The following ZFR2 variants were observed in gnomAD, a reference collection of about 807,000 sequenced individuals.
ZFR2 encodes zinc finger RNA-binding protein 2.
In ZFR2, 104 loss-of-function variants were observed where a neutral mutation model predicts 105.7. That is an observed-to-expected ratio of 0.98 (90% CI 0.84 to 1.16). The LOEUF (loss-of-function observed/expected upper bound fraction) is 1.16, where lower values mean the gene tolerates loss of function less well. Among genes scored for constraint, ZFR2 ranks in the 50% most tolerant of loss-of-function variants. ZFR2 has a pLI of 0.00. For missense variants in ZFR2, 1,425 were observed against 1,355.5 expected (o/e 1.05, Z -0.80); for synonymous variants, 634 against 597.7 (o/e 1.06, Z -0.89).
Position 3,827,511 on chromosome 19 carries a change from TC to T in ZFR2, c.994del (p.Asp332ThrfsTer95), listed in dbSNP as rs758282674. 62 of 1,556,418 alleles carry T rather than the reference TC, an allele frequency of 4.0e-5. No homozygotes were observed. The highest frequency in any genetic ancestry group is 5.0e-5 in the Non-Finnish European group (58 of 1,150,972). On this transcript the variant is annotated frameshift_variant, in exon 6 of 19. Transcript: ENST00000262961. LOFTEE classifies it high-confidence loss of function. The part of the protein sequence containing the change: ...DLCAVSCTGA[D>X]AYAAHIRGSK... Reference sequence around the variant, plus strand: ...TCCCCGGATGTGGGCCGCGTAGGCGTCCGCCCCGGTGCAGGACACGGCGCAC... The same window carrying T: ...TCCCCGGATGTGGGCCGCGTAGGCGTCGCCCCGGTGCAGGACACGGCGCAC...
rs1264415090 is a variant in ZFR2, at chr19:3,822,097, T to TGCC, written c.1472_1474dup (p.Arg491dup). On this transcript the variant is annotated inframe_insertion, in exon 9 of 19. Coordinates refer to ENST00000262961, the MANE Select transcript of ZFR2 (RefSeq NM_015174.2). ...TGGACGCACCCGGTACTGCAGCCGG[T>TGCC]GCCGCCGCCCCCTCACGTGCAGGTC... is the stretch of plus-strand genomic sequence containing the variant. 10 of 1,606,318 alleles carry TGCC rather than the reference T, an allele frequency of 6.2e-6. No homozygotes were observed. Among genetic ancestry groups the TGCC allele is most frequent in the Non-Finnish European group, 8.5e-6 (10 of 1,177,064 alleles).
intron 1 of ZFR2, among the ~76,000 whole-genome samples, chr19:3,850,191 G>A (rs565494646): frequency 2.8e-4 from 42 of 152,224 alleles, no homozygotes; most frequent in African/African-American, 8.9e-4. Flanking sequence ...GAAGACCCAG[G>A]AGGCTCCCCC....
intron 1 of ZFR2, among the ~76,000 whole-genome samples, chr19:3,842,050 T>A (rs2038137799): frequency 6.6e-6 from 1 of 151,820 alleles, no homozygotes; most frequent in Admixed American, 6.6e-5. Context: ...TCTGGCTCTG[T>A]CACCCAGGCT....
intron 1 of ZFR2, among the ~76,000 whole-genome samples, chr19:3,854,648 G>C (rs1433957147): frequency 6.6e-6 from 1 of 152,240 alleles, no homozygotes; most frequent in Non-Finnish European, 1.5e-5. Context: ...TCTTGATGTA[G>C]AGCATGTGCC....
chr19:3,864,711 T>C (rs958349427), intron 1 of ZFR2, among the ~76,000 whole-genome samples: 7 of 152,104 alleles, frequency 4.6e-5, no homozygotes, highest in African/African-American at 1.7e-4. Flanking sequence ...TCAATGCTAA[T>C]CTTTCTTTTC....
At chr19:3,830,017 C>A (rs1298947857) in intron 5 of ZFR2, among the ~76,000 whole-genome samples, 1 of 152,072 alleles carries the variant, frequency 6.6e-6, no homozygotes, top group African/African-American at 2.4e-5. Context: ...ATAACCCACA[C>A]GGGCCTGGCG....
chr19:3,850,116 C>T (rs879648607), intron 1 of ZFR2, among the ~76,000 whole-genome samples: 12 of 152,088 alleles, frequency 7.9e-5, no homozygotes, highest in Admixed American at 3.3e-4. Flanking sequence ...ATAACAGAGA[C>T]GCGGGGGCAG....
chr19:3,847,443 G>A (rs1290603510), intron 1 of ZFR2, among the ~76,000 whole-genome samples: 2 of 152,006 alleles, frequency 1.3e-5, no homozygotes, highest in Non-Finnish European at 2.9e-5. Flanking sequence ...AGAATCACTT[G>A]AACCCGGGAG....
chr19:3,810,047 C>T (rs2037744722), intron 16 of ZFR2, among the ~76,000 whole-genome samples: 1 of 152,244 alleles, frequency 6.6e-6, no homozygotes, highest in Non-Finnish European at 1.5e-5. Context: ...ATTCTGGACA[C>T]TGGGCAGTGG....
intron 14 of ZFR2, 59 bp from the exon 15 acceptor site, chr19:3,811,425 G>T (rs1257220003): frequency 1.3e-6 from 2 of 1,500,018 alleles, no homozygotes; most frequent in South Asian, 1.2e-5. Context: ...CTCTGCTGCC[G>T]ACGGGGTGAG....
Position 3,813,471 on chromosome 19 carries a change from G to A in ZFR2, c.2242+349C>T, listed in dbSNP as rs926907389. Among the ~76,000 whole-genome samples the A allele has an allele frequency of 6.6e-6, 1 of 152,208 alleles. No homozygotes were observed. The highest frequency in any genetic ancestry group is 6.5e-5 in the Admixed American group (1 of 15,276). On this transcript the variant is annotated intron_variant, in intron 14 of 18. Transcript: ENST00000262961. This position sits in a 1 kb window ranked among gnomAD's most constrained non-coding sequence, Gnocchi z 4.4. ...CTTCTGCCGTGACCCAGGGGAAATG[G>A]CTCAGACCTGTCCTTTGCCGCCAGG...
At chr19:3,846,457 C>G (rs2038185618) in intron 1 of ZFR2, among the ~76,000 whole-genome samples, 1 of 152,166 alleles carries the variant, frequency 6.6e-6, no homozygotes, top group Non-Finnish European at 1.5e-5. Flanking sequence ...GTGAGCGGGA[C>G]AGAACATACT....
rs2037675851 is a variant in ZFR2, at chr19:3,804,358, G to A, written c.*1591C>T. 1 of 152,270 alleles carries A rather than the reference G, an allele frequency of 6.6e-6. No individual in the cohort carries two copies. Among genetic ancestry groups the A allele is most frequent in the South Asian group, 2.1e-4 (1 of 4,830 alleles). The allele number at this position is 152,270 out of a possible 1,614,324, so 9.4% of individuals were successfully genotyped here. On this transcript the variant is annotated 3_prime_UTR_variant, in exon 19 of 19. Transcript: ENST00000262961. ...CCCCTCCCCGGGTCCCCCAGGCACG[G>A]GTCCCGGGCCCTGCTACCACAAGGG...
intron 1 of ZFR2, among the ~76,000 whole-genome samples, chr19:3,843,406 G>T (rs2038153648): frequency 1.3e-5 from 2 of 152,204 alleles, no homozygotes; most frequent in African/African-American, 4.8e-5. Flanking sequence ...AGGAGGTGGA[G>T]GTTGCAGTGA....
intron 1 of ZFR2, among the ~76,000 whole-genome samples, chr19:3,836,070 T>C (rs895748736): frequency 6.6e-6 from 1 of 152,134 alleles, no homozygotes; most frequent in Non-Finnish European, 1.5e-5. Flanking sequence ...TAGAACGATA[T>C]AGTGTTTGCA....
chr19:3,863,427 TG>T (rs913964840), intron 1 of ZFR2, among the ~76,000 whole-genome samples: 3 of 152,102 alleles, frequency 2.0e-5, no homozygotes, highest in Admixed American at 6.6e-5. Flanking sequence ...GAGGGGCTCT[TG>T]TTTTTTTATT....
In ZFR2 at chr19:3,834,845, G is replaced by A. The variant is rs369215810; in HGVS notation, c.192C>T (p.Ser64=). The A allele has an allele frequency of 3.2e-5, 51 of 1,611,778 alleles. No homozygotes were observed. Among genetic ancestry groups the A allele is most frequent in the Non-Finnish European group, 3.7e-5 (44 of 1,179,258 alleles). ...GGCTGCCGTAGGCGAAGTCCTGGCC[G>A]GAGTGGGGCTGGTATCCACCGTACC... The part of the protein sequence containing the change: ...PAGYGGYQPH[S]GQDFAYGSRP... The change falls in exon 2 of 19, where the codon TCC becomes TCT. Residue 64 remains serine (S), a synonymous_variant. Transcript: ENST00000262961. This position sits in a 1 kb window ranked among gnomAD's most constrained non-coding sequence, Gnocchi z 5.3.
At chr19:3,831,590 G>A in intron 4 of ZFR2, 34 bp from the exon 5 acceptor site, 2 of 1,538,742 alleles carry the variant, frequency 1.3e-6, no homozygotes, top group East Asian at 2.4e-5. Flanking sequence ...GTCGGGGGGA[G>A]ATGCTGATTC....
intron 2 of ZFR2, 81 bp from the exon 3 acceptor site, chr19:3,833,859 C>G (rs1054343156): frequency 9.8e-7 from 1 of 1,018,332 alleles, no homozygotes; most frequent in Non-Finnish European, 1.5e-6. Context: ...CCCTGCCACA[C>G]TGCACTCTGC....
Sources: gnomAD v4.1 joint callset for allele counts (sites outside exome capture counted in the v4.1 genomes callset) on GRCh38, gnomAD v4.1.1 for gene constraint, Gnocchi (gnomAD v3.1) non-coding constraint, MANE v1.5 for transcripts, NCBI Gene and HGNC (gene_info 2026-07-23, HGNC 2026-07-21) for gene names.